Variants in CDK7 observed in about 807,000 individuals in gnomAD.
The protein encoded by CDK7 is cyclin-dependent kinase 7.
A neutral mutation model predicts 49.1 loss-of-function variants in CDK7; 25 were observed. The observed-to-expected ratio is 0.51, with a 90% CI of 0.37 to 0.71. The LOEUF is 0.71. Ranked by LOEUF, CDK7 falls within the 30% of genes least tolerant of loss-of-function variation. The pLI is 0.00. For synonymous variants in CDK7, 107 were observed against 140.0 expected, an observed-to-expected ratio of 0.76 and a Z score of 1.67; for missense variants, 316 against 411.7, an observed-to-expected ratio of 0.77 and a Z score of 2.01.
chr5:69,273,075 A>T, intron 10 of CDK7, 34 bp downstream of exon 10: 1 of 1,386,574 alleles, frequency 7.2e-7, no homozygotes. Flanking sequence ...ACTAGGAAAT[A>T]TAAAAATAAT....
At chr5:69,256,363 T>C (rs1750491931) in intron 5 of CDK7, among the ~76,000 whole-genome samples, 1 of 152,178 alleles carries the variant, frequency 6.6e-6, no homozygotes, top group Non-Finnish European at 1.5e-5. Flanking sequence ...GTTTTTGTTT[T>C]GTTTTTTTGA....
chr5:69,260,438 TCAAA>T (rs1216706499), intron 7 of CDK7, among the ~76,000 whole-genome samples: 2 of 152,192 alleles, frequency 1.3e-5, no homozygotes, highest in Non-Finnish European at 1.5e-5. Flanking sequence ...TAGCCCCTTT[TCAAA>T]CAGAGTCTAA....
chr5:69,259,602 T>C (rs370849148), intron 6 of CDK7, among the ~76,000 whole-genome samples: 2 of 152,204 alleles, frequency 1.3e-5, no homozygotes, highest in Non-Finnish European at 2.9e-5. Context: ...ATGTAAATTA[T>C]GGCTTAGTGA....
At chr5:69,264,339 G>A (rs1236886392) in intron 8 of CDK7, among the ~76,000 whole-genome samples, 1 of 152,112 alleles carries the variant, frequency 6.6e-6, no homozygotes, top group African/African-American at 2.4e-5. Flanking sequence ...AACAGTGAAA[G>A]GAATGGGAAA....
intron 2 of CDK7, among the ~76,000 whole-genome samples, chr5:69,251,245 G>GT (rs566947954): frequency 4.0e-4 from 61 of 152,116 alleles, no homozygotes; most frequent in African/African-American, 1.4e-3. Flanking sequence ...CTACAGGCGT[G>GT]TGCCACCATG....
chr5:69,234,980 C>T lies in CDK7; in HGVS notation c.5C>T (p.Ala2Val). The change falls in exon 1 of 12, where the codon GCT becomes GTT. Residue 2 changes from alanine to valine, a missense_variant. Physicochemically the swap from Ala to Val is moderately conservative, Grantham distance 64. Coordinates refer to ENST00000256443, the MANE Select transcript of CDK7 (RefSeq NM_001799.4). M[A>V]LDVKSRAKRY... ...AGTCGGGCTTTACGGCGCCGGATGG[C>T]TCTGGACGTGAAGTCTCGGGCAAAG... 2 of 1,596,300 alleles carry T rather than the reference C, an allele frequency of 1.3e-6. No individual in the cohort carries two copies. The highest frequency in any genetic ancestry group is 1.7e-6 in the Non-Finnish European group (2 of 1,171,804).
intron 5 of CDK7, among the ~76,000 whole-genome samples, chr5:69,256,227 A>C (rs779806538): frequency 6.6e-6 from 1 of 151,894 alleles, no homozygotes; most frequent in African/African-American, 2.4e-5. Context: ...CAGGAGTTCA[A>C]GACCAGCCTG....
At position 69,255,472 on chromosome 5, in the gene CDK7, T is replaced by C; in HGVS notation, c.241T>C (p.Phe81Leu). 1 of 1,571,652 alleles carries C rather than the reference T, an allele frequency of 6.4e-7. No individual in the cohort carries two copies. The highest frequency in any genetic ancestry group is 1.2e-5 in the South Asian group (1 of 84,974). Residue 81 changes from phenylalanine (F) to leucine (L), a missense_variant, in exon 5 of 12, where the codon TTT (phenylalanine) becomes CTT (leucine). Transcript: ENST00000256443. ...HPNIIGLLDA[F>L]GHKSNISLVF... ...TTTAACTTTGCAGCTCCTTGATGCTTTTGGACATAAATCTAATATTAGCCT... is the reference window on the plus strand; with the variant it reads ...TTTAACTTTGCAGCTCCTTGATGCTCTTGGACATAAATCTAATATTAGCCT...
chr5:69,260,380 A>AT (rs1750741570), intron 7 of CDK7, among the ~76,000 whole-genome samples: 2 of 151,474 alleles, frequency 1.3e-5, no homozygotes, highest in Non-Finnish European at 2.9e-5. Context: ...CAAAAAAAAA[A>AT]CCTGTCATTT....
chr5:69,274,080 A>G (rs1019877888), intron 10 of CDK7, among the ~76,000 whole-genome samples: 1 of 152,172 alleles, frequency 6.6e-6, no homozygotes, highest in Non-Finnish European at 1.5e-5. Context: ...ACTTCTATGT[A>G]TATTATTTCC....
intron 2 of CDK7, among the ~76,000 whole-genome samples, chr5:69,243,080 C>T (rs1401481894): frequency 6.6e-6 from 1 of 151,998 alleles, no homozygotes; most frequent in African/African-American, 2.4e-5. Flanking sequence ...AGCTATATCA[C>T]GTTTTACTCA....
intron 2 of CDK7, among the ~76,000 whole-genome samples, chr5:69,244,049 G>A (rs995246749): frequency 7.0e-6 from 1 of 143,462 alleles, no homozygotes; most frequent in Non-Finnish European, 1.5e-5. Flanking sequence ...GGCCAGACTA[G>A]TCTTGAACTC....
rs551706140 is a variant in CDK7, at chr5:69,271,700, C to T, written c.715-1192C>T. Among the ~76,000 whole-genome samples the T allele has an allele frequency of 7.9e-5, 12 of 151,888 alleles. No individual in the cohort carries two copies. The South Asian group carries it at 2.5e-3, about 32-fold the overall frequency. On this transcript the variant is annotated intron_variant, in intron 9 of 11. Transcript: ENST00000256443. Reference sequence around the variant, plus strand: ...CTAGTTTTTGTGTTTTTTGTAGAGACAGGGTTTCTGCATGTTTCCCAGGCT... The same window carrying T: ...CTAGTTTTTGTGTTTTTTGTAGAGATAGGGTTTCTGCATGTTTCCCAGGCT...
chr5:69,268,548 C>T (rs374393295), intron 8 of CDK7, among the ~76,000 whole-genome samples: 1 of 152,148 alleles, frequency 6.6e-6, no homozygotes, highest in East Asian at 1.9e-4. Context: ...ATTTGTCTAA[C>T]AGGTATCAAA....
chr5:69,252,215 G>A (rs1750186624), intron 2 of CDK7, among the ~76,000 whole-genome samples: 1 of 152,028 alleles, frequency 6.6e-6, no homozygotes, highest in African/African-American at 2.4e-5. Context: ...AGGGACAAGG[G>A]TAGGTATTTG....
intron 8 of CDK7, among the ~76,000 whole-genome samples, chr5:69,263,663 A>G (rs1285492689): frequency 6.6e-6 from 1 of 152,226 alleles, no homozygotes; most frequent in Non-Finnish European, 1.5e-5. Flanking sequence ...GGTCCTGTGA[A>G]TCAGCTGGCA....
intron 9 of CDK7, among the ~76,000 whole-genome samples, chr5:69,271,512 T>C (rs890120392): frequency 1.7e-5 from 2 of 117,410 alleles, no homozygotes; most frequent in African/African-American, 3.6e-5. Flanking sequence ...AATTTTTTTT[T>C]CTTTTTTTTT....
rs141972292 is a variant in CDK7, at chr5:69,276,760, G to A, written c.1012+70G>A. The A allele has an allele frequency of 3.8e-5, 50 of 1,314,536 alleles. No homozygotes were observed. In the African/African-American group the frequency reaches 6.4e-4, roughly 17 times the overall value. The allele number at this position is 1,314,536 out of a possible 1,614,324, so 81.4% of individuals were successfully genotyped here. On this transcript the variant is annotated intron_variant, in intron 11 of 11. Coordinates refer to ENST00000256443, the MANE Select transcript of CDK7 (RefSeq NM_001799.4). Reference sequence around the variant, plus strand: ...TCCAAATAGCTCGTGTATGGCTAGCGACTGAACAACAGCAAAGAAATGTAG... The same window carrying A: ...TCCAAATAGCTCGTGTATGGCTAGCAACTGAACAACAGCAAAGAAATGTAG...
At chr5:69,265,260 G>A (rs779147152) in intron 8 of CDK7, among the ~76,000 whole-genome samples, 18 of 148,956 alleles carry the variant, frequency 1.2e-4, no homozygotes, top group Admixed American at 4.0e-4. Context: ...GCGAGACTCC[G>A]TCTCAAAAAA....
Sources: allele counts gnomAD v4.1 joint callset (sites outside exome capture counted in the v4.1 genomes callset), GRCh38; gene constraint gnomAD v4.1.1; transcripts MANE v1.5; gene names NCBI Gene and HGNC (gene_info 2026-07-23, HGNC 2026-07-21).